DLG2: variants seen among roughly 807,000 people sequenced by gnomAD.
DLG2 encodes the protein discs large MAGUK scaffold protein 2.
In DLG2, 45 loss-of-function variants were observed where a neutral mutation model predicts 132.5. That is an observed-to-expected ratio of 0.34 (90% confidence interval 0.27 to 0.44). The LOEUF (loss-of-function observed/expected upper bound fraction) is 0.44. Ranked by LOEUF, DLG2 falls within the 20% of genes least tolerant of loss-of-function variation. DLG2 has a pLI of 1.00. For missense variants in DLG2, 1,045 were observed against 1,196.9 expected, an observed-to-expected ratio of 0.87 and a Z score of 1.87; for synonymous variants, 424 against 419.6, an observed-to-expected ratio of 1.01 and a Z score of -0.13.
intron 3 of DLG2, among the ~76,000 whole-genome samples, chr11:85,373,409 C>G (rs1324945527): frequency 6.6e-6 from 1 of 152,172 alleles, no homozygotes; most frequent in Admixed American, 6.5e-5. Flanking sequence ...TGCCATTTCC[C>G]CAAAACAGCG....
intron 9 of DLG2, among the ~76,000 whole-genome samples, chr11:84,119,450 T>TTA (rs1026080205): frequency 1.3e-5 from 2 of 151,028 alleles, no homozygotes; most frequent in South Asian, 2.1e-4. Flanking sequence ...TTCATATATG[T>TTA]TATATATATA....
At chr11:84,546,048 G>A (rs1177746276) in intron 6 of DLG2, among the ~76,000 whole-genome samples, 1 of 152,108 alleles carries the variant, frequency 6.6e-6, no homozygotes, top group Non-Finnish European at 1.5e-5. Flanking sequence ...GACCCACCAT[G>A]CCTGGCTCTT....
intron 6 of DLG2, among the ~76,000 whole-genome samples, chr11:84,943,116 G>A (rs1382630156): frequency 1.3e-5 from 2 of 151,344 alleles, no homozygotes; most frequent in African/African-American, 2.4e-5. Context: ...TGTTTTATAG[G>A]GGAAACATGT....
At chr11:85,460,254 T>C (rs1486760186) in intron 3 of DLG2, among the ~76,000 whole-genome samples, 1 of 152,176 alleles carries the variant, frequency 6.6e-6, no homozygotes, top group Admixed American at 6.5e-5. Flanking sequence ...CAGTCACTAA[T>C]GCTGGGATAC....
At chr11:84,994,896 T>C (rs1336334351) in intron 6 of DLG2, among the ~76,000 whole-genome samples, 3 of 152,196 alleles carry the variant, frequency 2.0e-5, no homozygotes, top group Non-Finnish European at 4.4e-5. Context: ...ACATCATTGA[T>C]GAAAAAATTC....
chr11:84,583,439 G>T (rs1447250977), intron 6 of DLG2, among the ~76,000 whole-genome samples: 1 of 152,212 alleles, frequency 6.6e-6, no homozygotes, highest in Non-Finnish European at 1.5e-5. Flanking sequence ...GAAATGAAGA[G>T]AGGAATTCTT....
rs1244983298 is a variant in DLG2 at position 83,455,244 on chromosome 11, A to C, written c.*4574T>G. ...GAAGTGTTGAATATTTACACTTAAC[A>C]GGAGTGTAAGCTGTGCAGTGTCTCT... On this transcript the variant is annotated 3_prime_UTR_variant, in exon 28 of 28. Transcript: ENST00000376104. The C allele has an allele frequency of 6.6e-6, 1 of 152,654 alleles. No homozygotes were observed. The highest frequency in any genetic ancestry group is 1.5e-5 in the Non-Finnish European group (1 of 68,044). 9.5% of individuals were successfully genotyped at this position (152,654 alleles called of 1,614,324 possible). A position where few individuals can be genotyped will look rare whatever the true frequency, so the allele number is the denominator to read the frequency against.
chr11:83,514,125 G>A (rs954121633), intron 21 of DLG2, among the ~76,000 whole-genome samples: 4 of 152,108 alleles, frequency 2.6e-5, no homozygotes, highest in Admixed American at 6.5e-5. Flanking sequence ...TGGGCAGTAT[G>A]GCCATTTTCA....
intron 11 of DLG2, among the ~76,000 whole-genome samples, chr11:83,993,387 T>C (rs140976775): frequency 6.6e-6 from 1 of 152,302 alleles, no homozygotes; most frequent in African/African-American, 2.4e-5. Context: ...AAAAAGTATA[T>C]GTTGAGCATT....
At chr11:84,360,428 C>A (rs1166838214) in intron 7 of DLG2, among the ~76,000 whole-genome samples, 1 of 151,862 alleles carries the variant, frequency 6.6e-6, no homozygotes, top group African/African-American at 2.4e-5. Context: ...GGAAATTGCC[C>A]ACCAACTATA....
chr11:83,492,745 T>C (rs1410038778), intron 21 of DLG2, among the ~76,000 whole-genome samples: 1 of 152,082 alleles, frequency 6.6e-6, no homozygotes, highest in Non-Finnish European at 1.5e-5. Flanking sequence ...TCCTGTGTTC[T>C]CAGCTTTAAA....
At chr11:84,547,564 C>T (rs2099392746) in intron 6 of DLG2, among the ~76,000 whole-genome samples, 1 of 152,218 alleles carries the variant, frequency 6.6e-6, no homozygotes, top group South Asian at 2.1e-4. Context: ...GTCTTCTCTA[C>T]CTCTCATAAC....
At chr11:83,883,420 G>A (rs1214978579) in intron 15 of DLG2, among the ~76,000 whole-genome samples, 3 of 151,890 alleles carry the variant, frequency 2.0e-5, no homozygotes, top group Admixed American at 1.3e-4. Flanking sequence ...TACTTTCCAT[G>A]CTGGATTTCT....
chr11:84,162,859 T>C (rs76762957), intron 9 of DLG2, among the ~76,000 whole-genome samples: 2,955 of 152,208 alleles, frequency 0.019, 74 homozygotes, highest in African/African-American at 0.066. Flanking sequence ...TGTTAATGCT[T>C]TTTGGTCACT....
chr11:84,704,535 G>A (rs2059581503), intron 6 of DLG2, among the ~76,000 whole-genome samples: 2 of 151,558 alleles, frequency 1.3e-5, no homozygotes, highest in African/African-American at 4.8e-5. Context: ...CCTACTATGT[G>A]TGAGGTATCA....
chr11:85,026,876 G>T (rs528019444), intron 6 of DLG2, among the ~76,000 whole-genome samples: 2 of 151,666 alleles, frequency 1.3e-5, no homozygotes, highest in Non-Finnish European at 2.9e-5. Context: ...TAAAATAAGC[G>T]TATTCTTTCA....
At chr11:84,542,774 A>G (rs765897054) in intron 6 of DLG2, among the ~76,000 whole-genome samples, 6 of 152,234 alleles carry the variant, frequency 3.9e-5, no homozygotes, top group Non-Finnish European at 8.8e-5. Flanking sequence ...ATGATGAACC[A>G]CGTGAAAACA....
intron 6 of DLG2, among the ~76,000 whole-genome samples, chr11:84,815,010 G>C (rs946710978): frequency 6.6e-6 from 1 of 152,020 alleles, no homozygotes; most frequent in African/African-American, 2.4e-5. Context: ...GTAAGAGAAG[G>C]CTTTGGAAGA....
At chr11:83,693,805 C>T (rs1285892392) in intron 18 of DLG2, 1 of 152,082 alleles carries the variant, frequency 6.6e-6, no homozygotes, top group Non-Finnish European at 1.5e-5. Context: ...CAACCACAAG[C>T]CAAAGGTGAC....
Sources: allele counts gnomAD v4.1 joint callset (sites outside exome capture counted in the v4.1 genomes callset), GRCh38; gene constraint gnomAD v4.1.1; transcripts MANE v1.5; gene names NCBI Gene and HGNC (gene_info 2026-07-23, HGNC 2026-07-21).